SLC35F4: variants seen among roughly 807,000 people sequenced by gnomAD.
SLC35F4 encodes the protein chromosome 14 open reading frame 36.
In SLC35F4, 24 loss-of-function variants were observed where a neutral mutation model predicts 44.2. That is an observed-to-expected ratio of 0.54 (90% confidence interval 0.39 to 0.76). The LOEUF (loss-of-function observed/expected upper bound fraction) is 0.76, where lower values mean the gene tolerates loss of function less well. Among genes scored for constraint, SLC35F4 ranks in the 30% least tolerant of loss-of-function variants. The probability of loss-of-function intolerance (pLI) is 0.00; values close to 1 mark genes in which losing one functional copy is unlikely to be tolerated. For synonymous variants in SLC35F4, 238 were observed against 223.6 expected (o/e 1.06, Z -0.57); for missense variants, 562 against 586.1 (o/e 0.96, Z 0.42).
At chr14:57,565,553 G>A (rs560743580) in intron 7 of SLC35F4, among the ~76,000 whole-genome samples, 57 of 152,280 alleles carry the variant, frequency 3.7e-4, no homozygotes, top group African/African-American at 1.3e-3. Context: ...ACAGTTCCTG[G>A]TGTACACTAA....
At chr14:57,681,644 T>G (rs1396253905) in intron 1 of SLC35F4, among the ~76,000 whole-genome samples, 1 of 152,044 alleles carries the variant, frequency 6.6e-6, no homozygotes, top group African/African-American at 2.4e-5. Flanking sequence ...AAAGCCAAAA[T>G]TGACAAATGG....
rs76295332 is a variant in SLC35F4 at position 57,879,195 on chromosome 14, T to C, written n.282+102718A>G. On this transcript the variant is annotated intron_variant and non_coding_transcript_variant, in intron 1 of 1. Coordinates refer to the SLC35F4 transcript ENST00000556568. Reference sequence around the variant, plus strand: ...TTATATTCCAAGGAGTTTTGCAAGGTACTTGGCATTGCACTTTTCAAGAAA... The same window carrying C: ...TTATATTCCAAGGAGTTTTGCAAGGCACTTGGCATTGCACTTTTCAAGAAA... 1.3e-4 allele frequency among the ~76,000 whole-genome samples: 20 copies of C among 152,276 alleles called. No homozygotes were observed. In the East Asian group the frequency reaches 2.3e-3, roughly 18 times the overall value.
chr14:57,599,268 G>A (rs2070673819), intron 1 of SLC35F4, among the ~76,000 whole-genome samples: 1 of 152,190 alleles, frequency 6.6e-6, no homozygotes, highest in African/African-American at 2.4e-5. Flanking sequence ...AGGTGGTCAA[G>A]GTATAGGGCC....
At chr14:57,683,792 C>G (rs1327382954) in intron 1 of SLC35F4, among the ~76,000 whole-genome samples, 3 of 152,158 alleles carry the variant, frequency 2.0e-5, no homozygotes. Context: ...TAGGGGCTCA[C>G]AGGACTTCCA....
chr14:57,929,634 T>C (rs956506970), intron 1 of SLC35F4, among the ~76,000 whole-genome samples: 2 of 152,172 alleles, frequency 1.3e-5, no homozygotes, highest in African/African-American at 4.8e-5. Context: ...CCAAACTTCC[T>C]TAACCACGGT....
In SLC35F4 at chr14:57,856,160, C is replaced by A. The variant is rs1268604639; in HGVS notation, c.103+9563G>T. On this transcript the variant is annotated intron_variant, in intron 1 of 7. Transcript: ENST00000556826. ...TAGCTGGGATTACAGGCATGCACCA[C>A]CATGCTCAGGGGGCATGTCAGGGGG... Among the ~76,000 whole-genome samples the A allele has an allele frequency of 3.3e-5, 5 of 152,006 alleles. No homozygotes were observed. The East Asian group carries it at 9.7e-4, about 29-fold the overall frequency.
At chr14:57,893,673 T>TTA (rs1888817839) in intron 1 of SLC35F4, among the ~76,000 whole-genome samples, 1 of 152,178 alleles carries the variant, frequency 6.6e-6, no homozygotes, top group Admixed American at 6.6e-5. Context: ...CCACAGGACA[T>TTA]TAACAGCCAT....
intron 1 of SLC35F4, among the ~76,000 whole-genome samples, chr14:57,726,137 C>A (rs1186464907): frequency 6.6e-6 from 1 of 152,144 alleles, no homozygotes; most frequent in South Asian, 2.1e-4. Flanking sequence ...TACTCCACAA[C>A]AGAGGCAAGG....
At chr14:57,896,930 T>C (rs951876814) in intron 1 of SLC35F4, among the ~76,000 whole-genome samples, 9 of 151,206 alleles carry the variant, frequency 6.0e-5, no homozygotes, top group Non-Finnish European at 1.0e-4. Context: ...GATTAGGCCA[T>C]AACTTTTTTC....
intron 1 of SLC35F4, among the ~76,000 whole-genome samples, chr14:57,727,836 A>G (rs1288745154): frequency 3.3e-5 from 5 of 152,214 alleles, no homozygotes; most frequent in Non-Finnish European, 7.3e-5. Context: ...CCATGTGCTG[A>G]GGAGGAAATC....
At chr14:57,944,686 GAA>G (rs762559422) in intron 1 of SLC35F4, among the ~76,000 whole-genome samples, 1 of 91,016 alleles carries the variant, frequency 1.1e-5, no homozygotes, top group East Asian at 2.8e-4. Flanking sequence ...AAAAAGAAAA[GAA>G]AGAAAGAAAA....
intron 1 of SLC35F4, among the ~76,000 whole-genome samples, chr14:57,717,944 T>C (rs1469735867): frequency 6.6e-6 from 1 of 152,230 alleles, no homozygotes; most frequent in Non-Finnish European, 1.5e-5. Context: ...TCAAATACTA[T>C]TGATAGCACT....
rs1329150339 is a variant in SLC35F4 at position 57,648,492 on chromosome 14, A to G, written c.104-54368T>C. On this transcript the variant is annotated intron_variant, in intron 1 of 7. Coordinates refer to ENST00000556826, the MANE Select transcript of SLC35F4 (RefSeq NM_001306087.2). ...ATTGCCATTTTTTTCTTAGAGCTAC[A>G]TAACACATTCATGTGCCTTAAAATT... is the stretch of plus-strand genomic sequence containing the variant. Among the ~76,000 whole-genome samples, 6 of 152,324 alleles carry G rather than the reference A, an allele frequency of 3.9e-5. No homozygotes were observed. In the East Asian group the frequency reaches 7.7e-4, roughly 20 times the overall value.
intron 1 of SLC35F4, among the ~76,000 whole-genome samples, chr14:57,935,839 T>A (rs1299028138): frequency 1.3e-5 from 2 of 152,192 alleles, no homozygotes; most frequent in Non-Finnish European, 1.5e-5. Flanking sequence ...AAGAAAAAAA[T>A]TCCAATTTAA....
At chr14:57,958,368 T>A (rs1015895358) in intron 1 of SLC35F4, among the ~76,000 whole-genome samples, 1 of 152,198 alleles carries the variant, frequency 6.6e-6, no homozygotes, top group Non-Finnish European at 1.5e-5. Context: ...ATTAGATGAA[T>A]GTTGAAAACA....
At chr14:57,824,884 C>A (rs1883559641) in intron 1 of SLC35F4, among the ~76,000 whole-genome samples, 1 of 152,022 alleles carries the variant, frequency 6.6e-6, no homozygotes, top group Non-Finnish European at 1.5e-5. Context: ...ATCGGAGGAA[C>A]TGGGGTTTAA....
At chr14:57,589,854 T>A (rs560733860) in intron 2 of SLC35F4, among the ~76,000 whole-genome samples, 1 of 152,126 alleles carries the variant, frequency 6.6e-6, no homozygotes, top group Non-Finnish European at 1.5e-5. Flanking sequence ...GCGCTTTCTA[T>A]TGAATGTGAG....
intron 1 of SLC35F4, among the ~76,000 whole-genome samples, chr14:57,669,551 A>AT (rs1376178081): frequency 6.6e-6 from 1 of 152,074 alleles, no homozygotes. Context: ...GGGCAGTTGA[A>AT]TTTTGTCAAA....
chr14:57,697,850 C>T (rs957715795), intron 1 of SLC35F4, among the ~76,000 whole-genome samples: 1 of 152,106 alleles, frequency 6.6e-6, no homozygotes, highest in Admixed American at 6.6e-5. Context: ...TACATATAGA[C>T]ATACACAATC....
Sources: gnomAD v4.1 joint callset for allele counts (sites outside exome capture counted in the v4.1 genomes callset) on GRCh38, gnomAD v4.1.1 for gene constraint, MANE v1.5 for transcripts, NCBI Gene and HGNC (gene_info 2026-07-23, HGNC 2026-07-21) for gene names.